ZNF827: variants seen among roughly 807,000 people sequenced by gnomAD.
ZNF827 encodes zinc finger protein 827.
In ZNF827, 13 loss-of-function variants were observed where a neutral mutation model predicts 102.4. The observed-to-expected ratio is 0.13, with a 90% CI of 0.08 to 0.20. The LOEUF (loss-of-function observed/expected upper bound fraction) is 0.20, where lower values mean the gene tolerates loss of function less well. Among genes scored for constraint, ZNF827 ranks in the 10% least tolerant of loss-of-function variants. The pLI is 1.00. For synonymous variants in ZNF827, 523 were observed against 536.2 expected, an observed-to-expected ratio of 0.98 and a Z score of 0.34; for missense variants, 1,103 against 1,344.4, an observed-to-expected ratio of 0.82 and a Z score of 2.81.
chr4:145,894,579 G>T (rs1750838244), intron 2 of ZNF827, among the ~76,000 whole-genome samples: 1 of 152,200 alleles, frequency 6.6e-6, no homozygotes, highest in South Asian at 2.1e-4. Context: ...TTCCAAAAAT[G>T]CAGTTTTACT....
chr4:145,863,594 A>T lies in ZNF827; in HGVS notation c.1981+6651T>A, dbSNP rs116700180. ...CTGATTTATGTTACAACATAGAAAA[A>T]CCTTGAAAACATTATGCTAAGTGAG... is the stretch of plus-strand genomic sequence containing the variant. On this transcript the variant is annotated intron_variant, in intron 5 of 14. Coordinates refer to ENST00000508784, the MANE Select transcript of ZNF827 (RefSeq NM_001306215.2). 5.3e-3 allele frequency among the ~76,000 whole-genome samples: 800 copies of T among 152,342 alleles called. 5 individuals are homozygous for T. The highest frequency in any genetic ancestry group is 0.018 in the African/African-American group (746 of 41,570).
rs576838924 is a variant in ZNF827 at position 145,775,887 on chromosome 4, G to C, written c.2595C>G (p.Thr865=). 6.2e-7 allele frequency: 1 copy of C among 1,614,158 alleles called. No homozygotes were observed. The highest frequency in any genetic ancestry group is 8.5e-7 in the Non-Finnish European group (1 of 1,180,028). The change falls in exon 10 of 15, where the codon ACC becomes ACG. Residue 865 remains threonine, a synonymous_variant. Transcript: ENST00000508784. ...KCRANLNQHL[T]VHSVKLVSTD... is the part of the protein sequence containing the mutation. ...TACTCACCAGCTTCACGGAATGGAC[G>C]GTCAAGTGCTGGTTCAGATTTGCAC... is the stretch of plus-strand genomic sequence containing the variant.
At chr4:145,818,693 G>A (rs1185571789) in intron 8 of ZNF827, among the ~76,000 whole-genome samples, 3 of 152,160 alleles carry the variant, frequency 2.0e-5, no homozygotes, top group Non-Finnish European at 4.4e-5. Context: ...GCCTGAGTTG[G>A]GAAGTCTTAA....
At chr4:145,851,136 A>C (rs1746488054) in intron 5 of ZNF827, among the ~76,000 whole-genome samples, 1 of 152,238 alleles carries the variant, frequency 6.6e-6, no homozygotes, top group South Asian at 2.1e-4. Context: ...TTTCCCCTAG[A>C]GCCTCTGGAA....
At chr4:145,826,152 T>C (rs374808780) in intron 7 of ZNF827, among the ~76,000 whole-genome samples, 2 of 152,180 alleles carry the variant, frequency 1.3e-5, no homozygotes, top group East Asian at 1.9e-4. Flanking sequence ...TGCAGAGAGT[T>C]TGGAATCAGA....
chr4:145,922,044 A>G (rs1753108653), intron 1 of ZNF827, among the ~76,000 whole-genome samples: 1 of 152,260 alleles, frequency 6.6e-6, no homozygotes, highest in Non-Finnish European at 1.5e-5. Context: ...TAATTCAAAG[A>G]TACATCAAGG....
rs1271367939 is a variant in ZNF827 at position 145,758,528 on chromosome 4, A to C, written c.*3088T>G. The C allele has an allele frequency of 2.0e-5, 3 of 152,210 alleles. No homozygotes were observed. The highest frequency in any genetic ancestry group is 7.2e-5 in the African/African-American group (3 of 41,430). The allele number at this position is 152,210 out of a possible 1,614,324, so 9.4% of individuals were successfully genotyped here. On this transcript the variant is annotated 3_prime_UTR_variant, in exon 15 of 15. Coordinates refer to ENST00000508784, the MANE Select transcript of ZNF827 (RefSeq NM_001306215.2). ...ACTGAACTTGTAGTTTTGAAAACAC[A>C]TTATTAGCCAAGTGGCACATTCTCC...
At chr4:145,812,379 ACT>A (rs1362437605) in intron 8 of ZNF827, among the ~76,000 whole-genome samples, 1 of 151,268 alleles carries the variant, frequency 6.6e-6, no homozygotes, top group Non-Finnish European at 1.5e-5. Flanking sequence ...TCCATCTCCC[ACT>A]CTCTGCTTCC....
intron 11 of ZNF827, among the ~76,000 whole-genome samples, chr4:145,769,827 A>C (rs1016981797): frequency 3.3e-5 from 5 of 152,096 alleles, no homozygotes; most frequent in Non-Finnish European, 7.4e-5. Flanking sequence ...ACAAAACAAA[A>C]CCCCTAAATA....
At chr4:145,846,974 T>C (rs1746032116) in intron 6 of ZNF827, among the ~76,000 whole-genome samples, 1 of 145,260 alleles carries the variant, frequency 6.9e-6, no homozygotes, top group Non-Finnish European at 1.5e-5. Flanking sequence ...GCCAACATGG[T>C]GAAAACCCGT....
chr4:145,918,708 C>T (rs1752861511), intron 1 of ZNF827, among the ~76,000 whole-genome samples: 1 of 152,088 alleles, frequency 6.6e-6, no homozygotes, highest in African/African-American at 2.4e-5. Context: ...CTCTATGGAC[C>T]CACCCCCAGC....
chr4:145,877,828 C>A (rs1379930775), intron 4 of ZNF827, among the ~76,000 whole-genome samples: 1 of 152,204 alleles, frequency 6.6e-6, no homozygotes, highest in African/African-American at 2.4e-5. Context: ...GGATATCTCC[C>A]TCGTCAAAAG....
At chr4:145,817,978 T>C (rs141049396) in intron 8 of ZNF827, among the ~76,000 whole-genome samples, 6 of 152,252 alleles carry the variant, frequency 3.9e-5, no homozygotes, top group Middle Eastern at 3.4e-3. Context: ...CAAGTGACTA[T>C]GATATTACTA....
chr4:145,823,686 AG>A (rs1743383733), intron 7 of ZNF827, among the ~76,000 whole-genome samples, 161 bp from the exon 8 acceptor site: 1 of 152,230 alleles, frequency 6.6e-6, no homozygotes. Flanking sequence ...ATGGAGAAAA[AG>A]AAAAGTCATT....
At position 145,885,874 on chromosome 4, in the gene ZNF827, G is replaced by T; in HGVS notation, c.1551C>A (p.Val517=). ...PERTSQGGAG[V]SPLLVKEEPK... is the part of the protein sequence containing the mutation. The stretch of plus-strand genomic sequence containing the variant: ...GTTCCTCCTTCACCAGCAAAGGCGA[G>T]ACGCCAGCCCCTCCCTGGCTAGTCC... The change falls in exon 4 of 15, where the codon GTC becomes GTA. Residue 517 remains valine, a synonymous_variant. Coordinates refer to ENST00000508784, the MANE Select transcript of ZNF827 (RefSeq NM_001306215.2). 6.2e-7 allele frequency: 1 copy of T among 1,614,240 alleles called. No homozygotes were observed. The highest frequency in any genetic ancestry group is 8.5e-7 in the Non-Finnish European group (1 of 1,180,042).
rs768693486 is a variant in ZNF827, at chr4:145,761,121, C to A, written c.*495G>T. ...TCCGGGAGCTCCCGACCACCAGGAG[C>A]GGGGCCCCCGGGCCGGCCGGTTCCT... On this transcript the variant is annotated 3_prime_UTR_variant, in exon 15 of 15. Transcript: ENST00000508784. This position sits in a 1 kb window ranked among gnomAD's most constrained non-coding sequence, Gnocchi z 6.8. The A allele has an allele frequency of 4.1e-5, 53 of 1,289,440 alleles. No homozygotes were observed. Among genetic ancestry groups the A allele is most frequent in the Non-Finnish European group, 5.0e-5 (49 of 988,708 alleles). 79.9% of individuals were successfully genotyped at this position (1,289,440 alleles called of 1,614,324 possible).
chr4:145,793,483 C>G (rs1310205594), intron 8 of ZNF827, among the ~76,000 whole-genome samples: 1 of 151,188 alleles, frequency 6.6e-6, no homozygotes, highest in African/African-American at 2.4e-5. Flanking sequence ...AGGAAGCATC[C>G]AGCATGGGAG....
chr4:145,918,508 C>CAA (rs369146146), intron 1 of ZNF827, among the ~76,000 whole-genome samples: 336 of 132,202 alleles, frequency 2.5e-3, no homozygotes, highest in East Asian at 6.2e-3. Flanking sequence ...GACCCAGTCT[C>CAA]AAAAAAAAAA....
chr4:145,791,598 T>C (rs562966881), intron 8 of ZNF827, among the ~76,000 whole-genome samples: 2 of 152,308 alleles, frequency 1.3e-5, no homozygotes, highest in African/African-American at 4.8e-5. Flanking sequence ...AAATAGGCCA[T>C]CTCTATTATA....
Sources: allele counts gnomAD v4.1 joint callset (sites outside exome capture counted in the v4.1 genomes callset), GRCh38; gene constraint gnomAD v4.1.1; non-coding constraint Gnocchi (gnomAD v3.1); transcripts MANE v1.5; gene names NCBI Gene and HGNC (gene_info 2026-07-23, HGNC 2026-07-21).